TNFSF4: variants seen among roughly 807,000 people sequenced by gnomAD.
TNFSF4 encodes the protein tumor necrosis factor ligand superfamily member 4.
A neutral mutation model predicts 7.3 loss-of-function variants in TNFSF4; 4 were observed. The observed-to-expected ratio is 0.55, with a 90% CI of 0.27 to 1.25. The LOEUF is 1.25. Among genes scored for constraint, TNFSF4 ranks in the 50% most tolerant of loss-of-function variants. TNFSF4 has a pLI of 0.12. For synonymous variants in TNFSF4, 76 were observed against 83.7 expected (o/e 0.91, Z 0.50); for missense variants, 181 against 208.8 (o/e 0.87, Z 0.82).
the TNFSF4 span, among the ~76,000 whole-genome samples, chr1:173,236,524 T>G: frequency 6.6e-6 from 1 of 152,108 alleles, no homozygotes; most frequent in Non-Finnish European, 1.5e-5. Flanking sequence ...TACCCCCATG[T>G]TTATTGTAGC....
intron 1 of TNFSF4, among the ~76,000 whole-genome samples, chr1:173,203,708 A>G (rs1044939258): frequency 2.0e-5 from 3 of 152,168 alleles, no homozygotes; most frequent in Admixed American, 6.5e-5. Flanking sequence ...ATAAGAACTG[A>G]AAAAAAGTGA....
At chr1:173,298,248 C>T in the TNFSF4 span, among the ~76,000 whole-genome samples, 2 of 151,974 alleles carry the variant, frequency 1.3e-5, no homozygotes, top group Admixed American at 6.6e-5. Flanking sequence ...CAAGAACCCC[C>T]AAAACTAAAC....
At chr1:173,352,789 G>GA in the TNFSF4 span, among the ~76,000 whole-genome samples, 1 of 151,800 alleles carries the variant, frequency 6.6e-6, no homozygotes, top group Non-Finnish European at 1.5e-5. Context: ...AGCAAGCCTG[G>GA]GGGTGCTGCA....
At position 173,184,175 on chromosome 1, in the gene TNFSF4, G is replaced by T. The variant is rs914097432; in HGVS notation, c.*2341C>A. 1 of 152,192 alleles carries T rather than the reference G, an allele frequency of 6.6e-6. No individual in the cohort carries two copies. The highest frequency in any genetic ancestry group is 1.5e-5 in the Non-Finnish European group (1 of 68,026). The allele number at this position is 152,192 out of a possible 1,614,324, so 9.4% of individuals were successfully genotyped here. Reference sequence around the variant, plus strand: ...TTCCTCTCATTTAACAGAAAGAAAAGCAAGACCCAGAAATGGGAAATGACT... The same window carrying T: ...TTCCTCTCATTTAACAGAAAGAAAATCAAGACCCAGAAATGGGAAATGACT... On this transcript the variant is annotated 3_prime_UTR_variant, in exon 3 of 3. Coordinates refer to ENST00000281834, the MANE Select transcript of TNFSF4 (RefSeq NM_003326.5).
the TNFSF4 span, among the ~76,000 whole-genome samples, chr1:173,237,465 C>A: frequency 6.6e-6 from 1 of 152,150 alleles, no homozygotes; most frequent in South Asian, 2.1e-4. Context: ...GGAAGTCAAA[C>A]TATCCATGCT....
the TNFSF4 span, among the ~76,000 whole-genome samples, chr1:173,409,908 G>A: frequency 6.6e-6 from 1 of 152,162 alleles, no homozygotes; most frequent in Admixed American, 6.5e-5. Context: ...ACACCCTCCT[G>A]CTGCATTCAA....
chr1:173,183,102 C>T (rs570170156), downstream of TNFSF4, among the ~76,000 whole-genome samples: 3 of 152,274 alleles, frequency 2.0e-5, no homozygotes, highest in South Asian at 6.2e-4. Flanking sequence ...TAGACTGCGG[C>T]TCATTGGCTG....
At chr1:173,423,883 G>A in the TNFSF4 span, among the ~76,000 whole-genome samples, 2 of 152,190 alleles carry the variant, frequency 1.3e-5, no homozygotes, top group African/African-American at 4.8e-5. Context: ...CAGTTCTGGA[G>A]GCTGGGAAAT....
chr1:173,406,988 C>T, the TNFSF4 span, among the ~76,000 whole-genome samples: 3 of 151,956 alleles, frequency 2.0e-5, no homozygotes, highest in Non-Finnish European at 4.4e-5. Flanking sequence ...GATGGGGAGA[C>T]AGTAGCAATG....
At chr1:173,422,095 A>T in the TNFSF4 span, among the ~76,000 whole-genome samples, 3 of 152,148 alleles carry the variant, frequency 2.0e-5, no homozygotes, top group Non-Finnish European at 4.4e-5. Context: ...GCAGAAAAAA[A>T]AGCGGCAACA....
chr1:173,262,680 G>A, the TNFSF4 span, among the ~76,000 whole-genome samples: 2 of 140,108 alleles, frequency 1.4e-5, no homozygotes, highest in South Asian at 2.2e-4. Context: ...TCGGCTCACT[G>A]CAAGCTCTGC....
the TNFSF4 span, among the ~76,000 whole-genome samples, chr1:173,246,488 A>G: frequency 6.6e-6 from 1 of 152,206 alleles, no homozygotes; most frequent in Non-Finnish European, 1.5e-5. Context: ...ACCATAGCAA[A>G]GACTTGGAAC....
At chr1:173,380,822 A>G in the TNFSF4 span, among the ~76,000 whole-genome samples, 4 of 152,166 alleles carry the variant, frequency 2.6e-5, no homozygotes, top group East Asian at 3.9e-4. Flanking sequence ...GGAAAAGAAA[A>G]CAACAAACTC....
At chr1:173,379,103 C>T in the TNFSF4 span, among the ~76,000 whole-genome samples, 1 of 152,112 alleles carries the variant, frequency 6.6e-6, no homozygotes, top group Non-Finnish European at 1.5e-5. Context: ...TTAGATCAAA[C>T]CCTGGCCTTT....
chr1:173,222,602 A>G, the TNFSF4 span, among the ~76,000 whole-genome samples: 1 of 152,270 alleles, frequency 6.6e-6, no homozygotes, highest in South Asian at 2.1e-4. Flanking sequence ...CTCTTCCATC[A>G]AGCAAAGTAC....
the TNFSF4 span, among the ~76,000 whole-genome samples, chr1:173,225,264 C>T: frequency 6.6e-6 from 1 of 152,208 alleles, no homozygotes; most frequent in Non-Finnish European, 1.5e-5. Context: ...CACTTTCTCA[C>T]TCATCCTTAT....
the TNFSF4 span, among the ~76,000 whole-genome samples, chr1:173,344,983 G>C: frequency 6.6e-6 from 1 of 152,160 alleles, no homozygotes; most frequent in Non-Finnish European, 1.5e-5. Context: ...GCAAGTCTAT[G>C]TTTCAATACT....
the TNFSF4 span, among the ~76,000 whole-genome samples, chr1:173,212,901 T>C: frequency 6.6e-6 from 1 of 152,088 alleles, no homozygotes; most frequent in Non-Finnish European, 1.5e-5. Context: ...TATACATAAA[T>C]AAATAAATCT....
the TNFSF4 span, among the ~76,000 whole-genome samples, chr1:173,384,517 C>A: frequency 6.6e-6 from 1 of 152,062 alleles, no homozygotes; most frequent in Non-Finnish European, 1.5e-5. Context: ...ATTCTAGGAA[C>A]CATCCTTGCC....
Sources: allele counts gnomAD v4.1 joint callset (sites outside exome capture counted in the v4.1 genomes callset), GRCh38; gene constraint gnomAD v4.1.1; transcripts MANE v1.5; gene names NCBI Gene and HGNC (gene_info 2026-07-23, HGNC 2026-07-21).